The following PCDH15 variants were observed in gnomAD, a reference collection of about 807,000 sequenced individuals.
PCDH15 encodes protocadherin-15.
A neutral mutation model predicts 178.5 loss-of-function variants in PCDH15; 129 were observed. The ratio of observed to expected loss-of-function variants is 0.72; its 90% CI spans 0.63 to 0.84. PCDH15 has a LOEUF of 0.84. Ranked by LOEUF, PCDH15 falls within the 40% of genes least tolerant of loss-of-function variation. The probability of loss-of-function intolerance (pLI) is 0.00; values close to 1 mark genes in which losing one functional copy is unlikely to be tolerated. For missense variants in PCDH15, 2,230 were observed against 2,099.9 expected (o/e 1.06, Z -1.21); for synonymous variants, 800 against 732.0 (o/e 1.09, Z -1.50).
chr10:53,959,358 G>A (rs967616131), intron 23 of PCDH15, among the ~76,000 whole-genome samples: 1 of 151,404 alleles, frequency 6.6e-6, no homozygotes, highest in Admixed American at 6.6e-5. Context: ...AAATATGATT[G>A]CAGATTGCAT....
chr10:53,865,162 C>T (rs2079364896), intron 27 of PCDH15, among the ~76,000 whole-genome samples: 1 of 152,158 alleles, frequency 6.6e-6, no homozygotes, highest in African/African-American at 2.4e-5. Flanking sequence ...ACATAATCAG[C>T]ATGGATATAG....
intron 2 of PCDH15, among the ~76,000 whole-genome samples, chr10:55,431,917 T>C (rs975521177): frequency 6.6e-6 from 1 of 152,180 alleles, no homozygotes; most frequent in African/African-American, 2.4e-5. Context: ...AAGGTTGTTA[T>C]TCTTATATAT....
At chr10:54,950,894 TTTAA>T (rs1838322035) in intron 2 of PCDH15, among the ~76,000 whole-genome samples, 1 of 151,912 alleles carries the variant, frequency 6.6e-6, no homozygotes, top group African/African-American at 2.4e-5. Context: ...TTTTTGAAAA[TTTAA>T]TTAATATAGC....
intron 15 of PCDH15, among the ~76,000 whole-genome samples, chr10:54,116,237 C>CAAAAA (rs58948747): frequency 8.0e-6 from 1 of 124,746 alleles, no homozygotes; most frequent in Non-Finnish European, 1.7e-5. Flanking sequence ...ACTGAAAATG[C>CAAAAA]AAAAAAAAAA....
In PCDH15 at chr10:55,522,226, T is replaced by G. The variant is rs553437260; in HGVS notation, c.-156+105399A>C. 9.2e-5 allele frequency among the ~76,000 whole-genome samples: 14 copies of G among 152,094 alleles called. No individual in the cohort carries two copies. In the South Asian group the frequency reaches 2.9e-3, roughly 31 times the overall value. The stretch of plus-strand genomic sequence containing the variant: ...AAACATTTGTTATAAATTGTCTTTT[T>G]GATAACAGTCATTCTAACAGATGGG... On this transcript the variant is annotated intron_variant, in intron 2 of 5. Coordinates refer to the PCDH15 transcript ENST00000613346.
At chr10:55,332,011 A>T (rs964651233) in intron 2 of PCDH15, among the ~76,000 whole-genome samples, 1 of 152,158 alleles carries the variant, frequency 6.6e-6, no homozygotes, top group Non-Finnish European at 1.5e-5. Flanking sequence ...ATTTACAGTC[A>T]CTACAAGGGA....
intron 2 of PCDH15, among the ~76,000 whole-genome samples, chr10:55,421,170 A>C (rs1205703879): frequency 6.6e-6 from 1 of 151,534 alleles, no homozygotes; most frequent in Non-Finnish European, 1.5e-5. Context: ...AGCATTCAGT[A>C]GGATGTTTTA....
chr10:55,440,107 G>A (rs1839144435), intron 2 of PCDH15, among the ~76,000 whole-genome samples: 1 of 152,058 alleles, frequency 6.6e-6, no homozygotes, highest in African/African-American at 2.4e-5. Flanking sequence ...AATTGGAATG[G>A]ATAAAAATAA....
chr10:55,370,757 C>G (rs1845487556), intron 2 of PCDH15, among the ~76,000 whole-genome samples: 2 of 152,152 alleles, frequency 1.3e-5, no homozygotes, highest in South Asian at 4.1e-4. Flanking sequence ...AACTCTCTTT[C>G]TTCCGATTAT....
intron 8 of PCDH15, among the ~76,000 whole-genome samples, chr10:54,259,963 G>C (rs2057192453): frequency 6.6e-6 from 1 of 152,254 alleles, no homozygotes; most frequent in African/African-American, 2.4e-5. Flanking sequence ...TAGGGATTAA[G>C]ATAGATTTTC....
At chr10:54,357,397 T>G (rs1227619429) in intron 5 of PCDH15, among the ~76,000 whole-genome samples, 1 of 152,244 alleles carries the variant, frequency 6.6e-6, no homozygotes, top group East Asian at 1.9e-4. Context: ...AAATCATGAG[T>G]GATCTCCCAT....
At chr10:54,706,710 G>A (rs111777699) in intron 1 of PCDH15, among the ~76,000 whole-genome samples, 13 of 152,102 alleles carry the variant, frequency 8.5e-5, no homozygotes, top group Non-Finnish European at 1.3e-4. Context: ...TGCAACGTCC[G>A]CCTCCCAGGT....
intron 8 of PCDH15, among the ~76,000 whole-genome samples, chr10:54,257,480 A>T (rs1272474151): frequency 6.8e-6 from 1 of 147,506 alleles, no homozygotes; most frequent in Non-Finnish European, 1.5e-5. Context: ...AGGTTCCCTA[A>T]AGAAGATAAA....
At chr10:54,745,660 T>A (rs897165366) in intron 1 of PCDH15, among the ~76,000 whole-genome samples, 13 of 152,144 alleles carry the variant, frequency 8.5e-5, no homozygotes, top group African/African-American at 3.1e-4. Context: ...CAGTTTTTAA[T>A]CAGTTAATAC....
intron 20 of PCDH15, among the ~76,000 whole-genome samples, chr10:54,018,891 G>A (rs1165111359): frequency 6.6e-6 from 1 of 151,946 alleles, no homozygotes; most frequent in Non-Finnish European, 1.5e-5. Context: ...ATTTTTGGGG[G>A]TAGAACATAG....
intron 20 of PCDH15, among the ~76,000 whole-genome samples, chr10:54,001,762 C>T (rs2092146893): frequency 6.6e-6 from 1 of 151,576 alleles, no homozygotes; most frequent in African/African-American, 2.4e-5. Flanking sequence ...GCTCTCTAAT[C>T]AAATGACATA....
At chr10:53,864,803 TAATA>T (rs575742144) in intron 27 of PCDH15, among the ~76,000 whole-genome samples, 17 of 151,678 alleles carry the variant, frequency 1.1e-4, no homozygotes, top group Admixed American at 2.0e-4. Flanking sequence ...AATAATAAAA[TAATA>T]AATAAATAAA....
At chr10:54,938,549 T>C (rs1837966938) in intron 2 of PCDH15, among the ~76,000 whole-genome samples, 1 of 152,160 alleles carries the variant, frequency 6.6e-6, no homozygotes, top group Admixed American at 6.5e-5. Context: ...GTAAGGCATC[T>C]GAGCCAGAAA....
intron 2 of PCDH15, among the ~76,000 whole-genome samples, chr10:55,565,584 T>C (rs1842285538): frequency 6.6e-6 from 1 of 151,612 alleles, no homozygotes; most frequent in Non-Finnish European, 1.5e-5. Flanking sequence ...TCAACAACGT[T>C]AGTAAACTTT....
Sources: allele counts gnomAD v4.1 joint callset (sites outside exome capture counted in the v4.1 genomes callset), GRCh38; gene constraint gnomAD v4.1.1; transcripts MANE v1.5; gene names NCBI Gene and HGNC (gene_info 2026-07-23, HGNC 2026-07-21).